NSA2: variants seen among roughly 807,000 people sequenced by gnomAD.
NSA2 encodes the protein NSA2 ribosome biogenesis factor.
A neutral mutation model predicts 34.8 loss-of-function variants in NSA2; 18 were observed. That is an observed-to-expected ratio of 0.52 (90% confidence interval 0.36 to 0.77). The LOEUF is 0.77. Ranked by LOEUF, NSA2 falls within the 30% of genes least tolerant of loss-of-function variation. The probability of loss-of-function intolerance (pLI) is 0.00; values close to 1 mark genes in which losing one functional copy is unlikely to be tolerated. For synonymous variants in NSA2, 79 were observed against 100.2 expected, an observed-to-expected ratio of 0.79 and a Z score of 1.26; for missense variants, 188 against 314.7, an observed-to-expected ratio of 0.60 and a Z score of 3.05.
chr5:74,774,175 AAC>A lies in NSA2; in HGVS notation c.715+118_715+119del, dbSNP rs372365899. The A allele has an allele frequency of 1.6e-4, 98 of 610,644 alleles. 1 individual carries two copies. In the East Asian group the frequency reaches 2.0e-3, roughly 12 times the overall value. 37.8% of individuals were successfully genotyped at this position (610,644 alleles called of 1,614,324 possible). A position where few individuals can be genotyped will look rare whatever the true frequency, so the allele number is the denominator to read the frequency against. On this transcript the variant is annotated intron_variant, in intron 5 of 5. Coordinates refer to ENST00000610426, the MANE Select transcript of NSA2 (RefSeq NM_014886.6). ...AATTTTTTTAATGCAGTAGAGCTAAAACACTGTAAATCAGATGTAAATATTTA... is the reference window on the plus strand; with the variant it reads ...AATTTTTTTAATGCAGTAGAGCTAAAACTGTAAATCAGATGTAAATATTTA...
At chr5:74,768,077 G>A (rs1744765098) in intron 1 of NSA2, among the ~76,000 whole-genome samples, 1 of 152,204 alleles carries the variant, frequency 6.6e-6, no homozygotes, top group South Asian at 2.1e-4. Context: ...AATGCAAAAA[G>A]CATCCCATAC....
At chr5:74,767,691 A>T (rs528305784) in intron 1 of NSA2, among the ~76,000 whole-genome samples, 1 of 152,164 alleles carries the variant, frequency 6.6e-6, no homozygotes, top group Non-Finnish European at 1.5e-5. Context: ...TAATGGGAAT[A>T]TGGTTGTCCC....
At chr5:74,771,418 A>C (rs1208596993) in intron 4 of NSA2, 1 of 152,222 alleles carries the variant, frequency 6.6e-6, no homozygotes, top group East Asian at 1.9e-4. Context: ...TCATTAAACT[A>C]GTGATCTACA....
intron 1 of NSA2, among the ~76,000 whole-genome samples, chr5:74,768,067 A>C (rs1190565101): frequency 1.3e-5 from 2 of 152,244 alleles, no homozygotes; most frequent in Non-Finnish European, 2.9e-5. Flanking sequence ...ACGTGTCTAA[A>C]ATGCAAAAAG....
rs1048502145 is a variant in NSA2 at position 74,770,653 on chromosome 5, C to T, written c.365C>T (p.Pro122Leu). 1.3e-6 allele frequency: 2 copies of T among 1,597,380 alleles called. No homozygotes were observed. The highest frequency in any genetic ancestry group is 1.7e-6 in the Non-Finnish European group (2 of 1,173,538). The change falls in exon 4 of 6, where the codon CCT becomes CTT. Residue 122 changes from proline (P) to leucine (L), a missense_variant. By Grantham distance (98) the Pro-to-Leu change is moderately conservative. Transcript: ENST00000610426. ...EKAGKWEVPL[P>L]KVRAQGETEV... ...TAGGGAAAATGGGAAGTCCCTCTGC[C>T]TAAAGTACGTGCCCAGGGAGAAACA...
In NSA2 at chr5:74,777,663, A is replaced by G. The variant is rs886839986; in HGVS notation, c.*992A>G. Reference sequence around the variant, plus strand: ...ATTGTGCCTTTAACAAAGTCATTCAATGTCTAAACAAATTCAGTATCTGAA... The same window carrying G: ...ATTGTGCCTTTAACAAAGTCATTCAGTGTCTAAACAAATTCAGTATCTGAA... On this transcript the variant is annotated 3_prime_UTR_variant, in exon 6 of 6. Coordinates refer to ENST00000610426, the MANE Select transcript of NSA2 (RefSeq NM_014886.6). 2.6e-5 allele frequency: 4 copies of G among 152,078 alleles called. No individual in the cohort carries two copies. The highest frequency in any genetic ancestry group is 4.8e-5 in the African/African-American group (2 of 41,454). The allele number at this position is 152,078 out of a possible 1,614,324, so 9.4% of individuals were successfully genotyped here. A position where few individuals can be genotyped will look rare whatever the true frequency, so the allele number is the denominator to read the frequency against.
chr5:74,771,416 C>A (rs1744923519), intron 4 of NSA2: 1 of 152,248 alleles, frequency 6.6e-6, no homozygotes, highest in Non-Finnish European at 1.5e-5. Flanking sequence ...CCTCATTAAA[C>A]TAGTGATCTA....
intron 1 of NSA2, among the ~76,000 whole-genome samples, chr5:74,768,361 G>A (rs1744785746): frequency 6.6e-6 from 1 of 152,202 alleles, no homozygotes; most frequent in Non-Finnish European, 1.5e-5. Flanking sequence ...AAAAGGCTAT[G>A]TACTACTGTT....
In NSA2 at chr5:74,776,842, C is replaced by T. The variant is rs910874193; in HGVS notation, c.*171C>T. The T allele has an allele frequency of 4.1e-5, 19 of 460,434 alleles. No individual in the cohort carries two copies. Among genetic ancestry groups the T allele is most frequent in the Middle Eastern group, 6.0e-4 (1 of 1,676 alleles). The allele number at this position is 460,434 out of a possible 1,614,324, so 28.5% of individuals were successfully genotyped here. A position where few individuals can be genotyped will look rare whatever the true frequency, so the allele number is the denominator to read the frequency against. ...TATAAATGGTCTTTATTTTGAAATA[C>T]GCTTTGACCCCATGTTCATAAAACT... On this transcript the variant is annotated 3_prime_UTR_variant, in exon 6 of 6. Coordinates refer to ENST00000610426, the MANE Select transcript of NSA2 (RefSeq NM_014886.6).
chr5:74,773,729 T>TTTTG, intron 4 of NSA2, 139 bp from the exon 5 acceptor site: 1 of 641,142 alleles, frequency 1.6e-6, no homozygotes, highest in East Asian at 2.7e-5. Context: ...GTAAAACATA[T>TTTTG]TTTGTTAGCT....
chr5:74,774,992 G>A (rs1429707854), intron 5 of NSA2, among the ~76,000 whole-genome samples: 1 of 152,088 alleles, frequency 6.6e-6, no homozygotes, highest in East Asian at 1.9e-4. Context: ...GAGGCGGACA[G>A]ATCATCTGCA....
At chr5:74,772,187 C>T (rs943956555) in intron 4 of NSA2, among the ~76,000 whole-genome samples, 24 of 150,052 alleles carry the variant, frequency 1.6e-4, no homozygotes, top group Admixed American at 1.1e-3. Flanking sequence ...TGCAGTGGCA[C>T]GATCTCGGCT....
Position 74,776,692 on chromosome 5 carries a change from A to T in NSA2, c.*21A>T. 8.1e-7 allele frequency: 1 copy of T among 1,232,600 alleles called. No individual in the cohort carries two copies. The highest frequency in any genetic ancestry group is 1.2e-6 in the Non-Finnish European group (1 of 833,722). 76.4% of individuals were successfully genotyped at this position (1,232,600 alleles called of 1,614,324 possible). ...TTTGACAGCAATTTCATATATAATTATTGAGGACTACACACCAATTGAAGA... is the reference window on the plus strand; with the variant it reads ...TTTGACAGCAATTTCATATATAATTTTTGAGGACTACACACCAATTGAAGA... On this transcript the variant is annotated 3_prime_UTR_variant, in exon 6 of 6. Transcript: ENST00000610426.
intron 3 of NSA2, among the ~76,000 whole-genome samples, chr5:74,770,397 A>ATAAT (rs1401195235): frequency 6.6e-6 from 1 of 152,062 alleles, no homozygotes; most frequent in Non-Finnish European, 1.5e-5. Flanking sequence ...CACAGCATTA[A>ATAAT]GATTTTTAGC....
At chr5:74,772,264 A>G (rs1744965613) in intron 4 of NSA2, among the ~76,000 whole-genome samples, 1 of 151,654 alleles carries the variant, frequency 6.6e-6, no homozygotes, top group Admixed American at 6.6e-5. Context: ...AGCTGGGACT[A>G]TAGGTGCCCG....
chr5:74,770,539 A>C, intron 3 of NSA2, 92 bp from the exon 4 acceptor site: 1 of 1,029,140 alleles, frequency 9.7e-7, no homozygotes, highest in Admixed American at 2.6e-5. Context: ...CAAAAAAAAT[A>C]GATCTATTAC....
intron 4 of NSA2, among the ~76,000 whole-genome samples, chr5:74,772,730 A>C (rs998266681): frequency 6.6e-6 from 1 of 152,228 alleles, no homozygotes. Context: ...AAGTCAGGCT[A>C]TTCTAGGTTT....
In NSA2 at chr5:74,773,884, A is replaced by C. The variant is rs372955623; in HGVS notation, c.539A>C (p.Lys180Thr). ...ACTTACTAGGGCTTGCGTTTCAAGA[A>C]AGCCCATGTAACACATCCTGAACTG... ...FIRPMGLRFKKAHVTHPELKA... is the reference protein window; with the variant it reads ...FIRPMGLRFKTAHVTHPELKA... The change falls in exon 5 of 6, where the codon AAA becomes ACA. Residue 180 changes from lysine to threonine, a missense_variant. Coordinates refer to ENST00000610426, the MANE Select transcript of NSA2 (RefSeq NM_014886.6). 3 of 1,611,998 alleles carry C rather than the reference A, an allele frequency of 1.9e-6. No homozygotes were observed. Among genetic ancestry groups the C allele is most frequent in the African/African-American group, 2.7e-5 (2 of 74,832 alleles).
intron 1 of NSA2, among the ~76,000 whole-genome samples, chr5:74,768,035 C>CA (rs1283422161): frequency 6.6e-6 from 1 of 152,210 alleles, no homozygotes; most frequent in African/African-American, 2.4e-5. Flanking sequence ...CGAATAGACT[C>CA]ACGCCTGGCC....
Sources: gnomAD v4.1 joint callset for allele counts (sites outside exome capture counted in the v4.1 genomes callset) on GRCh38, gnomAD v4.1.1 for gene constraint, MANE v1.5 for transcripts, NCBI Gene and HGNC (gene_info 2026-07-23, HGNC 2026-07-21) for gene names.